RASAL2: variants seen among roughly 807,000 people sequenced by gnomAD.
RASAL2 encodes the protein RAS protein activator like 2, also known as ras GTPase-activating protein nGAP.
A neutral mutation model predicts 128.9 loss-of-function variants in RASAL2; 58 were observed. The observed-to-expected ratio is 0.45, with a 90% CI of 0.36 to 0.56. The LOEUF (loss-of-function observed/expected upper bound fraction) is 0.56. Ranked by LOEUF, RASAL2 falls within the 20% of genes least tolerant of loss-of-function variation. The pLI is 0.00. For missense variants in RASAL2, 1,360 were observed against 1,601.6 expected, an observed-to-expected ratio of 0.85 and a Z score of 2.57; for synonymous variants, 561 against 580.8, an observed-to-expected ratio of 0.97 and a Z score of 0.49.
At chr1:178,416,980 G>GTTT (rs57449533) in intron 4 of RASAL2, among the ~76,000 whole-genome samples, 2 of 143,038 alleles carry the variant, frequency 1.4e-5, no homozygotes, top group African/African-American at 5.1e-5. Flanking sequence ...TTCTTTTAGG[G>GTTT]TTTTTTTTTT....
chr1:178,112,682 C>T (rs533938735), intron 1 of RASAL2, among the ~76,000 whole-genome samples: 17 of 145,316 alleles, frequency 1.2e-4, no homozygotes, highest in African/African-American at 3.3e-4. Context: ...TATTCTCACT[C>T]ATAGGTGGGA....
intron 1 of RASAL2, among the ~76,000 whole-genome samples, chr1:178,196,229 A>G (rs1356466542): frequency 6.6e-6 from 1 of 152,196 alleles, no homozygotes; most frequent in Non-Finnish European, 1.5e-5. Context: ...ATACCTAAAA[A>G]TATATTGCCT....
At chr1:178,366,694 A>G (rs1671422719) in intron 3 of RASAL2, among the ~76,000 whole-genome samples, 1 of 151,180 alleles carries the variant, frequency 6.6e-6, no homozygotes, top group Non-Finnish European at 1.5e-5. Context: ...TCATGGCAGC[A>G]TTCTTCATAA....
intron 4 of RASAL2, among the ~76,000 whole-genome samples, chr1:178,409,867 A>G (rs137879076): frequency 3.5e-4 from 54 of 152,360 alleles, no homozygotes; most frequent in Non-Finnish European, 6.0e-4. Context: ...TGGTTGGTCC[A>G]GGATGGAGGG....
intron 1 of RASAL2, among the ~76,000 whole-genome samples, chr1:178,210,417 T>C: frequency 6.6e-6 from 1 of 152,222 alleles, no homozygotes; most frequent in South Asian, 2.1e-4. Context: ...CCTTGGGGAC[T>C]TCCTTATCTT....
At chr1:178,441,759 G>T (rs1460263257) in intron 7 of RASAL2, 112 bp downstream of exon 7, 1 of 757,950 alleles carries the variant, frequency 1.3e-6, no homozygotes, top group Admixed American at 2.4e-5. Flanking sequence ...GAGTTTTAAA[G>T]CACATTTATA....
chr1:178,104,690 C>T (rs1659025667), intron 1 of RASAL2, among the ~76,000 whole-genome samples: 1 of 152,126 alleles, frequency 6.6e-6, no homozygotes, highest in South Asian at 2.1e-4. Flanking sequence ...AATCTTTTTA[C>T]ATAAATTTTA....
chr1:178,340,228 G>C (rs573425374), intron 3 of RASAL2, among the ~76,000 whole-genome samples: 4 of 152,214 alleles, frequency 2.6e-5, no homozygotes, highest in African/African-American at 9.6e-5. Context: ...GTTTCCATCA[G>C]CTGTTAAAAG....
At chr1:178,388,589 A>G (rs530317709) in intron 3 of RASAL2, among the ~76,000 whole-genome samples, 1 of 152,304 alleles carries the variant, frequency 6.6e-6, no homozygotes, top group East Asian at 1.9e-4. Flanking sequence ...GAATGTTCCA[A>G]TTTGGCTTGT....
chr1:178,431,124 G>C (rs1353251738), intron 5 of RASAL2, among the ~76,000 whole-genome samples: 1 of 151,820 alleles, frequency 6.6e-6, no homozygotes, highest in African/African-American at 2.4e-5. Flanking sequence ...AGAAAATGTA[G>C]CTTATTTCTT....
intron 1 of RASAL2, among the ~76,000 whole-genome samples, chr1:178,186,225 C>CT (rs962723679): frequency 2.2e-4 from 32 of 144,410 alleles, no homozygotes; most frequent in Non-Finnish European, 2.3e-4. Context: ...TGACTTTTCT[C>CT]TTTTTTTTTT....
intron 1 of RASAL2, among the ~76,000 whole-genome samples, chr1:178,246,286 C>T (rs1043906774): frequency 6.6e-6 from 1 of 152,078 alleles, no homozygotes; most frequent in African/African-American, 2.4e-5. Context: ...CCTTCACATC[C>T]CTTGTAAGTT....
intron 1 of RASAL2, among the ~76,000 whole-genome samples, chr1:178,211,998 C>T (rs149209943): frequency 2.4e-4 from 36 of 152,128 alleles, no homozygotes; most frequent in East Asian, 5.8e-4. Flanking sequence ...ATGAATGTTA[C>T]GGCTTGAGCA....
Position 178,473,129 on chromosome 1 carries a change from A to G in RASAL2, c.3733A>G (p.Thr1245Ala). The G allele has an allele frequency of 6.2e-7, 1 of 1,614,170 alleles. No homozygotes were observed. ...SANTRLMSALTQVKERYSMQV... is the reference protein window; with the variant it reads ...SANTRLMSALAQVKERYSMQV... ...CAACACCAGACTGATGAGCGCGCTG[A>G]CCCAAGTGAAGGAGCGGTACAGCAT... Residue 1245 changes from threonine (T) to alanine (A), a missense_variant, in exon 18 of 18, where the codon ACC (threonine) becomes GCC (alanine). Thr to Ala is a moderately conservative substitution (Grantham distance 58). This residue lies in a region of RASAL2 where 741 missense variants were observed against 868.6 expected (regional missense o/e 0.85). Coordinates refer to ENST00000367649, the MANE Select transcript of RASAL2 (RefSeq NM_170692.4).
chr1:178,418,297 T>C (rs1343786326), intron 4 of RASAL2, among the ~76,000 whole-genome samples: 2 of 152,154 alleles, frequency 1.3e-5, no homozygotes, highest in African/African-American at 4.8e-5. Flanking sequence ...ATTCTTAAAA[T>C]TGTAAACTAG....
At chr1:178,200,905 A>T (rs1662841480) in intron 1 of RASAL2, among the ~76,000 whole-genome samples, 1 of 152,076 alleles carries the variant, frequency 6.6e-6, no homozygotes. Context: ...GTTTGAGGAG[A>T]TATGCTGCCT....
chr1:178,268,393 G>A lies in RASAL2; in HGVS notation c.203-15171G>A, dbSNP rs1202235709. Among the ~76,000 whole-genome samples the A allele has an allele frequency of 7.9e-5, 12 of 151,898 alleles. No homozygotes were observed. The South Asian group carries it at 1.9e-3, about 24-fold the overall frequency. On this transcript the variant is annotated intron_variant, in intron 1 of 17. Transcript: ENST00000367649. ...TGAGGCAGGAGAATTGCTTGAACCCGGGAGGCAGAGGTTGCAGTGAGCCGA... is the reference window on the plus strand; with the variant it reads ...TGAGGCAGGAGAATTGCTTGAACCCAGGAGGCAGAGGTTGCAGTGAGCCGA...
chr1:178,391,272 T>C (rs550500890), intron 4 of RASAL2, among the ~76,000 whole-genome samples: 27 of 152,196 alleles, frequency 1.8e-4, no homozygotes, highest in African/African-American at 6.5e-4. Context: ...TCCTGAATCA[T>C]CAAGAAAAAG....
At chr1:178,392,326 C>T (rs1672963597) in intron 4 of RASAL2, among the ~76,000 whole-genome samples, 1 of 152,060 alleles carries the variant, frequency 6.6e-6, no homozygotes, top group Non-Finnish European at 1.5e-5. Context: ...GTACTCCAGG[C>T]TGTGGGAATG....
Sources: gnomAD v4.1 joint callset for allele counts (sites outside exome capture counted in the v4.1 genomes callset) on GRCh38, gnomAD v4.1.1 for gene constraint, gnomAD v4.1.1 regional missense constraint, MANE v1.5 for transcripts, NCBI Gene and HGNC (gene_info 2026-07-23, HGNC 2026-07-21) for gene names.